The following RNF2 variants were observed in gnomAD, a reference collection of about 807,000 sequenced individuals.
The protein encoded by RNF2 is E3 ubiquitin-protein ligase RING2.
RNF2 carries 6 observed loss-of-function variants against 37.2 expected under a neutral mutation model. The ratio of observed to expected loss-of-function variants is 0.16; its 90% CI spans 0.09 to 0.32. RNF2 has a LOEUF of 0.32. Ranked by LOEUF, RNF2 falls within the 10% of genes least tolerant of loss-of-function variation. RNF2 has a pLI of 1.00. For missense variants in RNF2, 251 were observed against 404.0 expected (o/e 0.62, Z 3.25); for synonymous variants, 133 against 132.7 (o/e 1.00, Z -0.02).
rs766358222 is a variant in RNF2, at chr1:185,073,562, TGA to T, written c.-2-13988_-2-13987del. Among the ~76,000 whole-genome samples the T allele has an allele frequency of 3.9e-5, 6 of 152,232 alleles. No individual in the cohort carries two copies. The East Asian group carries it at 1.2e-3, about 29-fold the overall frequency. ...TTTTGATCTACAGCAGTTAATTTTT[TGA>T]GTTTTTTAAAAGGACACATAAATGT... On this transcript the variant is annotated intron_variant, in intron 1 of 6. Transcript: ENST00000367510.
chr1:185,092,815 T>C (rs1651806300), intron 3 of RNF2, among the ~76,000 whole-genome samples: 1 of 152,170 alleles, frequency 6.6e-6, no homozygotes, highest in Admixed American at 6.5e-5. Context: ...TGGTTATATA[T>C]AAATTATCTT....
chr1:185,099,206 C>A (rs1041331438), intron 5 of RNF2, among the ~76,000 whole-genome samples: 5 of 151,904 alleles, frequency 3.3e-5, no homozygotes, highest in African/African-American at 1.2e-4. Context: ...CACCACAACA[C>A]CTGGCTAATT....
intron 1 of RNF2, among the ~76,000 whole-genome samples, chr1:185,053,262 C>T (rs1024076097): frequency 3.3e-5 from 5 of 152,118 alleles, no homozygotes; most frequent in Non-Finnish European, 4.4e-5. Flanking sequence ...AGTTTTCCCC[C>T]TACATTTATT....
intron 1 of RNF2, among the ~76,000 whole-genome samples, chr1:185,061,100 G>C (rs1325111765): frequency 6.6e-6 from 1 of 151,146 alleles, no homozygotes; most frequent in Non-Finnish European, 1.5e-5. Flanking sequence ...CACTCTGGGT[G>C]CTGGAGTGAG....
At chr1:185,060,134 T>C (rs931942300) in intron 1 of RNF2, among the ~76,000 whole-genome samples, 9 of 152,262 alleles carry the variant, frequency 5.9e-5, no homozygotes, top group African/African-American at 1.4e-4. Context: ...TGCTGACTTA[T>C]GCTGTGGCAT....
chr1:185,069,456 TAA>T (rs768648029), intron 1 of RNF2, among the ~76,000 whole-genome samples: 59 of 94,086 alleles, frequency 6.3e-4, no homozygotes, highest in Admixed American at 5.9e-4. Flanking sequence ...AGACCCTGTC[TAA>T]AAAAAAAAAA....
chr1:185,053,818 T>A (rs1650345754), intron 1 of RNF2, among the ~76,000 whole-genome samples: 1 of 152,338 alleles, frequency 6.6e-6, no homozygotes, highest in Admixed American at 6.5e-5. Context: ...TTAGGTCTTG[T>A]GTGCCTGTGT....
In RNF2 at chr1:185,102,256, ATG is replaced by A. The variant is rs1652098494; in HGVS notation, c.*1961_*1962del. ...TTGAGTGTATTTTGTGTGTGTGTGGATGTGTGTTTTGGGGTACGGGGAGAGGC... is the reference window on the plus strand; with the variant it reads ...TTGAGTGTATTTTGTGTGTGTGTGGATGTGTTTTGGGGTACGGGGAGAGGC... On this transcript the variant is annotated 3_prime_UTR_variant, in exon 7 of 7. Coordinates refer to ENST00000367510, the MANE Select transcript of RNF2 (RefSeq NM_007212.4). 6.6e-6 allele frequency: 1 copy of A among 151,796 alleles called. No individual in the cohort carries two copies. The highest frequency in any genetic ancestry group is 2.4e-5 in the African/African-American group (1 of 41,336). 9.4% of individuals were successfully genotyped at this position (151,796 alleles called of 1,614,324 possible). A position where few individuals can be genotyped will look rare whatever the true frequency, so the allele number is the denominator to read the frequency against.
At chr1:185,077,932 T>G (rs901953861) in intron 1 of RNF2, among the ~76,000 whole-genome samples, 1 of 152,228 alleles carries the variant, frequency 6.6e-6, no homozygotes, top group African/African-American at 2.4e-5. Flanking sequence ...GGTAGTATTT[T>G]CGTTTTATTC....
In RNF2 at chr1:185,091,629, C is replaced by T; in HGVS notation, c.138C>T (p.His46=). ...LEIVVSPRSL[H]SELMCPICLD... is the part of the protein sequence containing the mutation. ...TTGTGGTTTCACCTCGAAGTCTACA[C>T]AGTGAATTAATGTGCCCAATTTGTT... Residue 46 remains histidine, a synonymous_variant, in exon 3 of 7, where the codon CAC becomes CAT. Transcript: ENST00000367510. 6.2e-7 allele frequency: 1 copy of T among 1,614,090 alleles called. No homozygotes were observed. Among genetic ancestry groups the T allele is most frequent in the African/African-American group, 1.3e-5 (1 of 75,046 alleles).
At chr1:185,074,744 T>C (rs1651094702) in intron 1 of RNF2, among the ~76,000 whole-genome samples, 1 of 152,234 alleles carries the variant, frequency 6.6e-6, no homozygotes, top group Admixed American at 6.5e-5. Flanking sequence ...CATTATTCTC[T>C]AAACAATACC....
At chr1:185,085,058 C>T (rs1571318835) in intron 1 of RNF2, among the ~76,000 whole-genome samples, 1 of 151,806 alleles carries the variant, frequency 6.6e-6, no homozygotes, top group East Asian at 1.9e-4. Flanking sequence ...CTGTACTGCT[C>T]TTCCAACGCA....
At chr1:185,100,157 G>C (rs1179176873) in intron 6 of RNF2, 43 bp from the exon 7 acceptor site, 2 of 1,441,186 alleles carry the variant, frequency 1.4e-6, no homozygotes, top group South Asian at 2.5e-5. Flanking sequence ...TATTATTGTG[G>C]TTTGTGCAGT....
intron 1 of RNF2, among the ~76,000 whole-genome samples, chr1:185,069,467 A>AT (rs1650899404): frequency 6.6e-6 from 1 of 151,440 alleles, no homozygotes; most frequent in African/African-American, 2.4e-5. Context: ...AAAAAAAAAA[A>AT]AAAAAAAAGA....
At chr1:185,083,865 C>T (rs1195383434) in intron 1 of RNF2, among the ~76,000 whole-genome samples, 1 of 150,552 alleles carries the variant, frequency 6.6e-6, no homozygotes, top group African/African-American at 2.5e-5. Context: ...TCTCGGCCTC[C>T]CAAAGGGCTG....
Position 185,094,448 on chromosome 1 carries a change from C to A in RNF2, c.464+1172C>A, listed in dbSNP as rs576910952. Among the ~76,000 whole-genome samples, 4 of 152,156 alleles carry A rather than the reference C, an allele frequency of 2.6e-5. No individual in the cohort carries two copies. In the South Asian group the frequency reaches 8.3e-4, roughly 32 times the overall value. ...GATCCACCACACCTGGCCTTGGAGTCGCTTTTAAATCTCTTTTACACATCC... is the reference window on the plus strand; with the variant it reads ...GATCCACCACACCTGGCCTTGGAGTAGCTTTTAAATCTCTTTTACACATCC... On this transcript the variant is annotated intron_variant, in intron 4 of 6. Coordinates refer to ENST00000367510, the MANE Select transcript of RNF2 (RefSeq NM_007212.4).
At chr1:185,050,748 C>G (rs901275692) in intron 1 of RNF2, among the ~76,000 whole-genome samples, 2 of 152,008 alleles carry the variant, frequency 1.3e-5, no homozygotes, top group Non-Finnish European at 2.9e-5. Flanking sequence ...TGCATAGTAC[C>G]AATAGGTGAT....
intron 1 of RNF2, among the ~76,000 whole-genome samples, chr1:185,078,021 G>A (rs1166226096): frequency 1.3e-5 from 2 of 152,164 alleles, no homozygotes; most frequent in Non-Finnish European, 2.9e-5. Flanking sequence ...CAAGGCCAGC[G>A]GATCACCTGA....
chr1:185,046,539 T>A (rs1650128023), intron 1 of RNF2, among the ~76,000 whole-genome samples: 1 of 152,190 alleles, frequency 6.6e-6, no homozygotes, highest in Non-Finnish European at 1.5e-5. Context: ...CCCGCTAAGA[T>A]CAATTATAGA....
Sources: allele counts gnomAD v4.1 joint callset (sites outside exome capture counted in the v4.1 genomes callset), GRCh38; gene constraint gnomAD v4.1.1; transcripts MANE v1.5; gene names NCBI Gene and HGNC (gene_info 2026-07-23, HGNC 2026-07-21).